TACC2: variants seen among roughly 807,000 people sequenced by gnomAD.
The protein encoded by TACC2 is transforming acidic coiled-coil containing protein 2.
A neutral mutation model predicts 227.3 loss-of-function variants in TACC2; 137 were observed. The observed-to-expected ratio is 0.60, with a 90% confidence interval of 0.52 to 0.69. The LOEUF (loss-of-function observed/expected upper bound fraction) is 0.69. Among genes scored for constraint, TACC2 ranks in the 30% least tolerant of loss-of-function variants. The pLI is 0.00. For missense variants in TACC2, 3,470 were observed against 3,694.4 expected (o/e 0.94, Z 1.57); for synonymous variants, 1,523 against 1,487.5 (o/e 1.02, Z -0.55).
chr10:122,084,845 C>A lies in TACC2; in HGVS notation c.2345C>A (p.Pro782His), dbSNP rs773200885. The A allele has an allele frequency of 6.2e-7, 1 of 1,613,770 alleles. No individual in the cohort carries two copies. Among genetic ancestry groups the A allele is most frequent in the East Asian group, 2.2e-5 (1 of 44,890 alleles). The change falls in exon 4 of 23, where the codon CCC (proline) becomes CAC (histidine). Residue 782 changes from proline (P) to histidine (H), a missense_variant. Physicochemically the swap from Pro to His is moderately conservative, Grantham distance 77. This residue lies in a region of TACC2 where 1,924 missense variants were observed against 1,978.3 expected (regional missense o/e 0.97). Transcript: ENST00000369005. ...QEFHAGVPHP[P>H]QGENLAADLG... is the part of the protein sequence containing the mutation. ...TTTCATGCTGGGGTGCCACATCCCCCCCAGGGGGAGAACTTGGCAGCAGAC... is the reference window on the plus strand; with the variant it reads ...TTTCATGCTGGGGTGCCACATCCCCACCAGGGGGAGAACTTGGCAGCAGAC...
At chr10:122,072,258 C>T (rs1241213954) in intron 3 of TACC2, among the ~76,000 whole-genome samples, 1 of 151,840 alleles carries the variant, frequency 6.6e-6, no homozygotes, top group Admixed American at 6.6e-5. Context: ...CCCAGCTCCC[C>T]AGTAACTCTT....
chr10:122,147,529 T>C (rs2091526471), intron 7 of TACC2, among the ~76,000 whole-genome samples: 1 of 152,172 alleles, frequency 6.6e-6, no homozygotes, highest in Non-Finnish European at 1.5e-5. Context: ...AGAGTTGTGC[T>C]CCTCCTCTGT....
At chr10:122,110,950 T>G (rs1306852184) in intron 5 of TACC2, among the ~76,000 whole-genome samples, 1 of 152,232 alleles carries the variant, frequency 6.6e-6, no homozygotes, top group Non-Finnish European at 1.5e-5. Flanking sequence ...ATTCGTGCTT[T>G]TTCCAGCTTC....
At chr10:122,036,774 T>C (rs531400610) in intron 2 of TACC2, among the ~76,000 whole-genome samples, 2 of 152,346 alleles carry the variant, frequency 1.3e-5, no homozygotes, top group East Asian at 3.9e-4. Flanking sequence ...GAGCCTCTGC[T>C]TTCTATTCTT....
chr10:122,090,598 A>C (rs966497764), intron 5 of TACC2, among the ~76,000 whole-genome samples: 33 of 151,646 alleles, frequency 2.2e-4, no homozygotes, highest in Middle Eastern at 6.8e-3. Flanking sequence ...GACAGAGAAA[A>C]ATTCACAACC....
At chr10:122,252,581 C>T (rs904822354) in intron 22 of TACC2, among the ~76,000 whole-genome samples, 2 of 151,960 alleles carry the variant, frequency 1.3e-5, no homozygotes, top group East Asian at 1.9e-4. Flanking sequence ...ACCTCCGCCT[C>T]CCAGGTTCAA....
At chr10:122,213,924 A>G (rs1434149617) in intron 9 of TACC2, among the ~76,000 whole-genome samples, 1 of 152,200 alleles carries the variant, frequency 6.6e-6, no homozygotes, top group Non-Finnish European at 1.5e-5. Context: ...AGCCATCGCC[A>G]GGCTGCCCCA....
chr10:122,084,953 C>T lies in TACC2; in HGVS notation c.2453C>T (p.Ala818Val), dbSNP rs968963111. ...CPGEGWIRGA[A>V]SEWPLLSSEK... ...GGGGAAGGCTGGATAAGAGGAGCTG[C>T]ATCCGAGTGGCCCCTACTATCTTCT... Residue 818 changes from alanine to valine, a missense_variant, in exon 4 of 23, where the codon GCA becomes GTA. Physicochemically the swap from Ala to Val is moderately conservative, Grantham distance 64. This residue lies in a region of TACC2 where 1,924 missense variants were observed against 1,978.3 expected (regional missense o/e 0.97). Coordinates refer to ENST00000369005, the MANE Select transcript of TACC2 (RefSeq NM_206862.4). The T allele has an allele frequency of 6.2e-7, 1 of 1,614,080 alleles. No individual in the cohort carries two copies. The highest frequency in any genetic ancestry group is 1.3e-5 in the African/African-American group (1 of 74,946).
At position 122,087,164 on chromosome 10, in the gene TACC2, A is replaced by C; in HGVS notation, c.4664A>C (p.Glu1555Ala). 1 of 1,611,328 alleles carries C rather than the reference A, an allele frequency of 6.2e-7. No homozygotes were observed. Among genetic ancestry groups the C allele is most frequent in the Non-Finnish European group, 8.5e-7 (1 of 1,179,160 alleles). The change falls in exon 4 of 23, where the codon GAA (glutamate) becomes GCA (alanine). Residue 1555 changes from glutamate to alanine, a missense_variant. Glu to Ala is a moderately radical substitution (Grantham distance 107). Coordinates refer to ENST00000369005, the MANE Select transcript of TACC2 (RefSeq NM_206862.4). ...TCACAGCTGGAGAGGAGCAGGCAGG[A>C]ATTAGCTTCAGGTCTTCCTTCACCA... ...AYSQLERSRQ[E>A]LASGLPSPAA...
rs868288892 is a variant in TACC2, at chr10:122,084,672, A to G, written c.2172A>G (p.Pro724=). ...TAGAATCAGAGAAATCAGATTTTCC[A>G]CCAACTCCTGTTGCAGAGGTTGCAC... ...LTLESEKSDF[P]PTPVAEVAPK... is the part of the protein sequence containing the mutation. The change falls in exon 4 of 23, where the codon CCA becomes CCG. Residue 724 remains proline (P), a synonymous_variant. Coordinates refer to ENST00000369005, the MANE Select transcript of TACC2 (RefSeq NM_206862.4). 2.5e-6 allele frequency: 4 copies of G among 1,613,726 alleles called. No individual in the cohort carries two copies. The highest frequency in any genetic ancestry group is 3.3e-4 in the Middle Eastern group (2 of 6,062).
At chr10:122,146,549 C>T (rs1383574164) in intron 7 of TACC2, among the ~76,000 whole-genome samples, 3 of 151,954 alleles carry the variant, frequency 2.0e-5, no homozygotes, top group South Asian at 4.2e-4. Flanking sequence ...GGAAGAAAGA[C>T]CCGAGCTAGC....
intron 3 of TACC2, among the ~76,000 whole-genome samples, chr10:122,076,043 G>A (rs538044273): frequency 9.9e-5 from 15 of 151,948 alleles, no homozygotes; most frequent in Non-Finnish European, 1.9e-4. Flanking sequence ...CAGGTGGTCC[G>A]CCCACCTCGG....
chr10:122,054,498 G>T (rs1213081527), intron 3 of TACC2, among the ~76,000 whole-genome samples: 1 of 152,174 alleles, frequency 6.6e-6, no homozygotes, highest in African/African-American at 2.4e-5. Flanking sequence ...TTTCCTTTTA[G>T]ATCCTTAAGA....
chr10:122,089,614 C>A (rs991589791), intron 5 of TACC2, among the ~76,000 whole-genome samples: 5 of 152,332 alleles, frequency 3.3e-5, no homozygotes, highest in South Asian at 4.1e-4. Context: ...CCTCCCTAGG[C>A]CTTTGGCTGT....
intron 7 of TACC2, among the ~76,000 whole-genome samples, chr10:122,174,371 C>T (rs2093613045): frequency 6.6e-6 from 1 of 152,214 alleles, no homozygotes; most frequent in African/African-American, 2.4e-5. Flanking sequence ...CAGCGCAGAC[C>T]TGCCCTAGGT....
chr10:122,229,248 A>G, intron 14 of TACC2, 98 bp from the exon 15 acceptor site: 1 of 1,462,650 alleles, frequency 6.8e-7, no homozygotes, highest in South Asian at 1.2e-5. Context: ...CAAGGCAAAA[A>G]TGTCCAGCAA....
intron 11 of TACC2, 63 bp downstream of exon 11, chr10:122,216,891 C>G (rs1396790368): frequency 6.2e-7 from 1 of 1,613,262 alleles, no homozygotes. Context: ...CCCTAGGGAG[C>G]CAAAGGCCAG....
chr10:122,120,703 C>G (rs892055661), intron 5 of TACC2, among the ~76,000 whole-genome samples: 1 of 152,120 alleles, frequency 6.6e-6, no homozygotes, highest in African/African-American at 2.4e-5. Flanking sequence ...CTGGCGCATG[C>G]TAGGTGCTCA....
rs997035633 is a variant in TACC2 at position 122,163,835 on chromosome 10, C to T, written c.5834+20129C>T. On this transcript the variant is annotated intron_variant, in intron 7 of 22. Transcript: ENST00000369005. ...TCTGCAGTGCAGCAACCCCGGCCGC[C>T]GGCCGGCTCGCCCCGGCTCCCGGCT... 8 of 1,476,286 alleles carry T rather than the reference C, an allele frequency of 5.4e-6. No homozygotes were observed. In the African/African-American group the frequency reaches 8.6e-5, roughly 16 times the overall value. The allele number at this position is 1,476,286 out of a possible 1,614,324, so 91.4% of individuals were successfully genotyped here. A position where few individuals can be genotyped will look rare whatever the true frequency, so the allele number is the denominator to read the frequency against.
Sources: gnomAD v4.1 joint callset for allele counts (sites outside exome capture counted in the v4.1 genomes callset) on GRCh38, gnomAD v4.1.1 for gene constraint, gnomAD v4.1.1 regional missense constraint, MANE v1.5 for transcripts, NCBI Gene and HGNC (gene_info 2026-07-23, HGNC 2026-07-21) for gene names.